The following CHD6 variants were observed in gnomAD, a reference collection of about 807,000 sequenced individuals.
CHD6 encodes the protein ATP-dependent chromatin remodeler CHD6.
A neutral mutation model predicts 276.9 loss-of-function variants in CHD6; 50 were observed. The ratio of observed to expected loss-of-function variants is 0.18; its 90% CI spans 0.14 to 0.23. The LOEUF is 0.23. Among genes scored for constraint, CHD6 ranks in the 10% least tolerant of loss-of-function variants. The probability of loss-of-function intolerance (pLI) is 1.00; values close to 1 mark genes in which losing one functional copy is unlikely to be tolerated. For synonymous variants in CHD6, 1,173 were observed against 1,229.3 expected (o/e 0.95, Z 0.96); for missense variants, 2,564 against 3,365.8 (o/e 0.76, Z 5.89).
At chr20:41,618,144 C>T (rs2045954355) in intron 1 of CHD6, among the ~76,000 whole-genome samples, 196 bp downstream of exon 1, 1 of 150,128 alleles carries the variant, frequency 6.7e-6, no homozygotes, top group Non-Finnish European at 1.5e-5. Context: ...CGCCGCCTGC[C>T]CTCCGCCAGG....
chr20:41,587,472 G>C (rs1366154249), intron 1 of CHD6, among the ~76,000 whole-genome samples: 1 of 152,186 alleles, frequency 6.6e-6, no homozygotes, highest in Non-Finnish European at 1.5e-5. Flanking sequence ...TTTCCTTTCA[G>C]TAGAGGGTCT....
At chr20:41,410,839 T>C (rs1291906520) in intron 36 of CHD6, among the ~76,000 whole-genome samples, 1 of 152,038 alleles carries the variant, frequency 6.6e-6, no homozygotes, top group Admixed American at 6.6e-5. Context: ...CTGAGACATC[T>C]CTAAAGCAAG....
intron 1 of CHD6, among the ~76,000 whole-genome samples, chr20:41,573,753 A>G (rs1393374383): frequency 6.6e-6 from 1 of 152,250 alleles, no homozygotes; most frequent in African/African-American, 2.4e-5. Context: ...ATATCAATGA[A>G]AGTTTGACAA....
intron 17 of CHD6, among the ~76,000 whole-genome samples, chr20:41,471,069 G>A (rs1267620948): frequency 2.0e-5 from 3 of 152,164 alleles, no homozygotes; most frequent in Non-Finnish European, 2.9e-5. Context: ...TCATGTTTTG[G>A]GGTTGGCAAA....
At chr20:41,432,736 G>GA (rs926285692) in intron 27 of CHD6, among the ~76,000 whole-genome samples, 2 of 151,830 alleles carry the variant, frequency 1.3e-5, no homozygotes, top group African/African-American at 4.8e-5. Context: ...CAAACTGAAT[G>GA]AAAAAAAGAC....
chr20:41,431,577 T>A (rs537686326), intron 27 of CHD6, among the ~76,000 whole-genome samples: 1 of 152,256 alleles, frequency 6.6e-6, no homozygotes, highest in African/African-American at 2.4e-5. Flanking sequence ...TCAGTCTACT[T>A]ATGCAAAATC....
Position 41,403,469 on chromosome 20 carries a change from T to A in CHD6, c.*1124A>T. On this transcript the variant is annotated 3_prime_UTR_variant, in exon 37 of 37. Transcript: ENST00000373233. ...GACTTGCAATGTAGTTTCGATTAACTGATAATTTGGAATTTGGGTCCAACT... is the reference window on the plus strand; with the variant it reads ...GACTTGCAATGTAGTTTCGATTAACAGATAATTTGGAATTTGGGTCCAACT... 1 of 1,062,120 alleles carries A rather than the reference T, an allele frequency of 9.4e-7. No homozygotes were observed. Among genetic ancestry groups the A allele is most frequent in the Non-Finnish European group, 1.1e-6 (1 of 877,416 alleles). The allele number at this position is 1,062,120 out of a possible 1,614,324, so 65.8% of individuals were successfully genotyped here. A position where few individuals can be genotyped will look rare whatever the true frequency, so the allele number is the denominator to read the frequency against.
chr20:41,546,958 A>C (rs969622145), intron 2 of CHD6, among the ~76,000 whole-genome samples: 2 of 152,200 alleles, frequency 1.3e-5, no homozygotes, highest in Non-Finnish European at 2.9e-5. Context: ...AAGCACGATT[A>C]TTTATTACTG....
chr20:41,571,228 C>T (rs924110998), intron 1 of CHD6, among the ~76,000 whole-genome samples: 2 of 151,970 alleles, frequency 1.3e-5, no homozygotes. Flanking sequence ...TTTATTTAGA[C>T]CAAGAACAAA....
At chr20:41,579,388 A>G (rs2045511188) in intron 1 of CHD6, among the ~76,000 whole-genome samples, 1 of 143,692 alleles carries the variant, frequency 7.0e-6, no homozygotes, top group Non-Finnish European at 1.5e-5. Context: ...CAGTAAGCCA[A>G]GATCACAACA....
chr20:41,547,832 C>CTG, intron 2 of CHD6: 1 of 453,576 alleles, frequency 2.2e-6, no homozygotes, highest in South Asian at 1.8e-5. Flanking sequence ...GGACTGACTA[C>CTG]TGCCCAGTCT....
chr20:41,462,353 C>T (rs1264566905), intron 17 of CHD6, among the ~76,000 whole-genome samples: 1 of 152,214 alleles, frequency 6.6e-6, no homozygotes, highest in African/African-American at 2.4e-5. Flanking sequence ...CATTACAACT[C>T]ACTCAAAACA....
At chr20:41,498,713 T>C (rs2043745928) in intron 6 of CHD6, among the ~76,000 whole-genome samples, 1 of 152,058 alleles carries the variant, frequency 6.6e-6, no homozygotes, top group Non-Finnish European at 1.5e-5. Flanking sequence ...ATTCCTACAA[T>C]GGCCCTGAGA....
At chr20:41,585,845 C>A (rs867987252) in intron 1 of CHD6, among the ~76,000 whole-genome samples, 10 of 152,008 alleles carry the variant, frequency 6.6e-5, no homozygotes, top group African/African-American at 2.4e-4. Context: ...TTGAATCCTG[C>A]AATATATAAA....
At chr20:41,528,107 T>A (rs1437609113) in intron 3 of CHD6, among the ~76,000 whole-genome samples, 1 of 152,218 alleles carries the variant, frequency 6.6e-6, no homozygotes, top group Non-Finnish European at 1.5e-5. Flanking sequence ...CTATAACAGT[T>A]CCCTAATAAG....
chr20:41,415,086 G>A, intron 34 of CHD6, 100 bp downstream of exon 34: 3 of 1,490,520 alleles, frequency 2.0e-6, no homozygotes, highest in Non-Finnish European at 2.7e-6. Flanking sequence ...AACCGAAATA[G>A]AGATAAAAGA....
At position 41,553,176 on chromosome 20, in the gene CHD6, G is replaced by A. The variant is rs555600259; in HGVS notation, c.-23-1816C>T. On this transcript the variant is annotated intron_variant, in intron 1 of 36. Coordinates refer to ENST00000373233, the MANE Select transcript of CHD6 (RefSeq NM_032221.5). ...CTTAACCATCACAAACTGCCACAAA[G>A]TCAAAAATAAAGAAGTTTGGGGGAA... Among the ~76,000 whole-genome samples, 154 of 152,180 alleles carry A rather than the reference G, an allele frequency of 1.0e-3. No homozygotes were observed. In the Middle Eastern group the frequency reaches 0.014, roughly 13 times the overall value.
intron 36 of CHD6, among the ~76,000 whole-genome samples, chr20:41,406,509 G>A (rs940090553): frequency 1.3e-5 from 2 of 152,188 alleles, no homozygotes; most frequent in Admixed American, 6.5e-5. Flanking sequence ...AAAGGAAGGC[G>A]CAGGCTGCAG....
At chr20:41,557,889 C>A (rs1005612671) in intron 1 of CHD6, among the ~76,000 whole-genome samples, 25 of 152,174 alleles carry the variant, frequency 1.6e-4, no homozygotes, top group African/African-American at 6.0e-4. Context: ...ATAATCTACT[C>A]ATGCCCATCC....
Sources: allele counts gnomAD v4.1 joint callset (sites outside exome capture counted in the v4.1 genomes callset), GRCh38; gene constraint gnomAD v4.1.1; transcripts MANE v1.5; gene names NCBI Gene and HGNC (gene_info 2026-07-23, HGNC 2026-07-21).